The following MAP3K2 variants were observed in gnomAD, a reference collection of about 807,000 sequenced individuals.
The protein encoded by MAP3K2 is MAP/ERK kinase kinase 2.
A neutral mutation model predicts 80.3 loss-of-function variants in MAP3K2; 24 were observed. That is an observed-to-expected ratio of 0.30 (90% CI 0.22 to 0.42). The LOEUF (loss-of-function observed/expected upper bound fraction) is 0.42, where lower values mean the gene tolerates loss of function less well. MAP3K2 is among the 10% of genes least tolerant of loss of function. MAP3K2 has a pLI of 1.00. For missense variants in MAP3K2, 608 were observed against 750.1 expected, an observed-to-expected ratio of 0.81 and a Z score of 2.21; for synonymous variants, 244 against 253.7, an observed-to-expected ratio of 0.96 and a Z score of 0.36.
chr2:127,388,330 G>C, upstream of MAP3K2: 1 of 985,538 alleles, frequency 1.0e-6, no homozygotes, highest in Non-Finnish European at 1.2e-6. Flanking sequence ...CGTGGGCTGT[G>C]GACAGGGCCC....
intron 1 of MAP3K2, among the ~76,000 whole-genome samples, chr2:127,362,515 T>G (rs919352183): frequency 1.3e-5 from 2 of 152,244 alleles, no homozygotes; most frequent in African/African-American, 4.8e-5. Context: ...TCTTAATTTT[T>G]TTTCTATATT....
At chr2:127,314,925 T>A in intron 14 of MAP3K2, 42 bp from the exon 15 acceptor site, 1 of 1,455,732 alleles carries the variant, frequency 6.9e-7, no homozygotes, top group Non-Finnish European at 9.3e-7. Context: ...CTGTATATGG[T>A]TTGAAATGAA....
At position 127,339,193 on chromosome 2, in the gene MAP3K2, T is replaced by C; in HGVS notation, c.5-143A>G. ...AAAAATGCATCTAGAACATTTTTAA[T>C]GCCTACACTTTTGGTAAAATAAAAT... On this transcript the variant is annotated intron_variant, in intron 2 of 16. Coordinates refer to ENST00000682094, the MANE Select transcript of MAP3K2 (RefSeq NM_001371910.2). The surrounding 1 kb of genome is among the most constrained non-coding windows in gnomAD (Gnocchi z 4.2). 1 of 591,780 alleles carries C rather than the reference T, an allele frequency of 1.7e-6. No homozygotes were observed. The highest frequency in any genetic ancestry group is 3.0e-6 in the Non-Finnish European group (1 of 331,202). The allele number at this position is 591,780 out of a possible 1,614,324, so 36.7% of individuals were successfully genotyped here.
At chr2:127,331,753 G>A (rs1686259857) in intron 5 of MAP3K2, among the ~76,000 whole-genome samples, 1 of 152,182 alleles carries the variant, frequency 6.6e-6, no homozygotes, top group South Asian at 2.1e-4. Flanking sequence ...TTACAGGCAT[G>A]CACCACCACG....
chr2:127,342,243 C>T (rs1558982311), intron 2 of MAP3K2, among the ~76,000 whole-genome samples: 1 of 152,116 alleles, frequency 6.6e-6, no homozygotes. Flanking sequence ...GGCACTGCTA[C>T]TCATGACTAC....
chr2:127,357,419 T>C (rs1686815314), intron 1 of MAP3K2, among the ~76,000 whole-genome samples: 1 of 152,154 alleles, frequency 6.6e-6, no homozygotes, highest in Non-Finnish European at 1.5e-5. Context: ...GCCCAGGAGT[T>C]CGAGGCTGCA....
intron 1 of MAP3K2, among the ~76,000 whole-genome samples, chr2:127,369,302 C>A (rs1162888158): frequency 1.3e-5 from 2 of 150,906 alleles, no homozygotes; most frequent in Non-Finnish European, 3.0e-5. Flanking sequence ...TGCAGCAGCA[C>A]CTGCAGATAC....
chr2:127,336,468 T>C (rs1316316000), intron 4 of MAP3K2, among the ~76,000 whole-genome samples: 1 of 152,226 alleles, frequency 6.6e-6, no homozygotes, highest in East Asian at 1.9e-4. Flanking sequence ...ATTCTAGTGT[T>C]TTCTTTCTAC....
In MAP3K2 at chr2:127,387,421, C is replaced by CACACACACACACACACACACAA. The variant is rs958738073; in HGVS notation, c.-66+30_-66+31insTTGTGTGTGTGTGTGTGTGTGT. On this transcript the variant is annotated intron_variant, in intron 1 of 16. Transcript: ENST00000682094. Reference sequence around the variant, plus strand: ...GCGCACACACACACACACACACACACAAGCGCGCGCGCACGCACACACGCA... The same window carrying CACACACACACACACACACACAA: ...GCGCACACACACACACACACACACACACACACACACACACACACACAAAAGCGCGCGCGCACGCACACACGCA... 10 of 969,900 alleles carry CACACACACACACACACACACAA rather than the reference C, an allele frequency of 1.0e-5. No homozygotes were observed. In the African/African-American group the frequency reaches 1.8e-4, roughly 17 times the overall value. 60.1% of individuals were successfully genotyped at this position (969,900 alleles called of 1,614,324 possible). A position where few individuals can be genotyped will look rare whatever the true frequency, so the allele number is the denominator to read the frequency against.
intron 7 of MAP3K2, among the ~76,000 whole-genome samples, chr2:127,328,238 G>A (rs1211529738): frequency 1.3e-5 from 2 of 152,186 alleles, no homozygotes; most frequent in Non-Finnish European, 2.9e-5. Flanking sequence ...CCGCGCCACT[G>A]TACTCCAGCC....
chr2:127,325,890 T>C, intron 8 of MAP3K2, 83 bp from the exon 9 acceptor site: 1 of 838,758 alleles, frequency 1.2e-6, no homozygotes, highest in South Asian at 1.4e-5. Context: ...TAATTAGACA[T>C]ACTTCATGTA....
At position 127,329,366 on chromosome 2, in the gene MAP3K2, C is replaced by CTTTTT. The variant is rs10625897; in HGVS notation, c.466+550_466+554dup. Among the ~76,000 whole-genome samples, 1,099 of 146,220 alleles carry CTTTTT rather than the reference C, an allele frequency of 7.5e-3. 12 individuals are homozygous for CTTTTT. The highest frequency in any genetic ancestry group is 0.022 in the African/African-American group (867 of 39,732). On this transcript the variant is annotated intron_variant, in intron 7 of 16. Coordinates refer to ENST00000682094, the MANE Select transcript of MAP3K2 (RefSeq NM_001371910.2). The stretch of plus-strand genomic sequence containing the variant: ...TCCATTCTATTTGTACAATTAAAAC[C>CTTTTT]TTTTTTTTTGAGATGGAGTCTTGCT...
Position 127,303,083 on chromosome 2 carries a change from TAAAAA to T in MAP3K2, c.*4491_*4495del, listed in dbSNP as rs1685628906. The T allele has an allele frequency of 6.6e-6, 1 of 152,026 alleles. No homozygotes were observed. Among genetic ancestry groups the T allele is most frequent in the South Asian group, 2.1e-4 (1 of 4,822 alleles). The allele number at this position is 152,026 out of a possible 1,614,324, so 9.4% of individuals were successfully genotyped here. ...AAGGCATACAGAGAAAAGGCACTAC[TAAAAA>T]TTAACAATTGGATTGCTTTTCATTA... On this transcript the variant is annotated 3_prime_UTR_variant, in exon 17 of 17. Transcript: ENST00000682094.
At position 127,333,397 on chromosome 2, in the gene MAP3K2, C is replaced by A. The variant is rs370587466; in HGVS notation, c.264+2473G>T. 3.3e-5 allele frequency among the ~76,000 whole-genome samples: 5 copies of A among 152,124 alleles called. No individual in the cohort carries two copies. In the East Asian group the frequency reaches 5.8e-4, roughly 18 times the overall value. On this transcript the variant is annotated intron_variant, in intron 5 of 16. Coordinates refer to ENST00000682094, the MANE Select transcript of MAP3K2 (RefSeq NM_001371910.2). Reference sequence around the variant, plus strand: ...TCCTTAACGTTTCAATTCTAGCCAACTAGAAGTTTATAGAGTAACAGTTCA... The same window carrying A: ...TCCTTAACGTTTCAATTCTAGCCAAATAGAAGTTTATAGAGTAACAGTTCA...
At chr2:127,320,517 T>G (rs2104819447) in intron 12 of MAP3K2, among the ~76,000 whole-genome samples, 1 of 151,798 alleles carries the variant, frequency 6.6e-6, no homozygotes, top group East Asian at 1.9e-4. Context: ...AGTGTATAGG[T>G]AATAGGAATC....
At chr2:127,338,191 G>A (rs1007710259) in intron 3 of MAP3K2, among the ~76,000 whole-genome samples, 1 of 152,118 alleles carries the variant, frequency 6.6e-6, no homozygotes, top group Admixed American at 6.5e-5. Flanking sequence ...AACACAATTT[G>A]CTTAAGTGCT....
intron 1 of MAP3K2, among the ~76,000 whole-genome samples, chr2:127,384,668 CT>C (rs759223038): frequency 3.1e-3 from 451 of 144,160 alleles, no homozygotes; most frequent in Admixed American, 2.8e-3. Flanking sequence ...ACAAAGTGGC[CT>C]TTTTTTTTTT....
intron 1 of MAP3K2, among the ~76,000 whole-genome samples, chr2:127,353,936 A>G (rs978516895): frequency 6.6e-6 from 1 of 151,514 alleles, no homozygotes; most frequent in Non-Finnish European, 1.5e-5. Context: ...TTGATCTATG[A>G]CCTTACCCCC....
chr2:127,343,196 T>A lies in MAP3K2; in HGVS notation c.-65-2A>T. ...TCTCCCATCAGCATTCTTTATGGCC[T>A]GAGAAGATAAAACAGATCAGCATAT... On this transcript the variant is annotated splice_acceptor_variant, in intron 1 of 16. Transcript: ENST00000682094. LOFTEE classifies it low-confidence loss of function (5UTR_SPLICE). The A allele has an allele frequency of 7.9e-7, 1 of 1,259,142 alleles. No homozygotes were observed. Among genetic ancestry groups the A allele is most frequent in the Non-Finnish European group, 1.1e-6 (1 of 890,210 alleles). The allele number at this position is 1,259,142 out of a possible 1,614,324, so 78.0% of individuals were successfully genotyped here. A position where few individuals can be genotyped will look rare whatever the true frequency, so the allele number is the denominator to read the frequency against.
Sources: allele counts gnomAD v4.1 joint callset (sites outside exome capture counted in the v4.1 genomes callset), GRCh38; gene constraint gnomAD v4.1.1; non-coding constraint Gnocchi (gnomAD v3.1); transcripts MANE v1.5; gene names NCBI Gene and HGNC (gene_info 2026-07-23, HGNC 2026-07-21).